The following PTPRO variants were observed in gnomAD, a reference collection of about 807,000 sequenced individuals.
The protein encoded by PTPRO is protein tyrosine phosphatase receptor type O, also known as receptor-type tyrosine-protein phosphatase O.
PTPRO carries 62 observed loss-of-function variants against 145.2 expected under a neutral mutation model. The ratio of observed to expected loss-of-function variants is 0.43; its 90% CI spans 0.35 to 0.53. The LOEUF (loss-of-function observed/expected upper bound fraction) is 0.53. PTPRO is among the 20% of genes least tolerant of loss of function. PTPRO has a pLI of 0.01. For synonymous variants in PTPRO, 565 were observed against 514.7 expected (o/e 1.10, Z -1.32); for missense variants, 1,345 against 1,482.7 (o/e 0.91, Z 1.53).
At chr12:15,361,684 G>A (rs1938216560) in intron 1 of PTPRO, among the ~76,000 whole-genome samples, 1 of 152,080 alleles carries the variant, frequency 6.6e-6, no homozygotes, top group African/African-American at 2.4e-5. Flanking sequence ...CTAAATGAAT[G>A]AATGAATTTT....
intron 7 of PTPRO, among the ~76,000 whole-genome samples, chr12:15,509,356 A>G (rs1942388061): frequency 6.8e-6 from 1 of 146,974 alleles, no homozygotes; most frequent in Non-Finnish European, 1.5e-5. Flanking sequence ...TTTACTGTAA[A>G]AGTAACGCAT....
chr12:15,589,743 A>G (rs1364558077), intron 25 of PTPRO, among the ~76,000 whole-genome samples, 153 bp downstream of exon 25: 42 of 152,198 alleles, frequency 2.8e-4, no homozygotes, highest in Admixed American at 2.7e-3. Context: ...TTTGAGGCAT[A>G]AAAGAAATAG....
chr12:15,548,811 A>G (rs753557261), intron 13 of PTPRO, among the ~76,000 whole-genome samples: 37 of 152,198 alleles, frequency 2.4e-4, no homozygotes, highest in Non-Finnish European at 4.0e-4. Context: ...GTGTAGGCTA[A>G]GCCATCACTT....
At chr12:15,590,339 A>G (rs1261051562) in intron 25 of PTPRO, among the ~76,000 whole-genome samples, 3 of 152,110 alleles carry the variant, frequency 2.0e-5, no homozygotes, top group Non-Finnish European at 2.9e-5. Context: ...CCCAAGTACA[A>G]CAGCTTGTTC....
chr12:15,542,868 T>C (rs981364040), intron 12 of PTPRO, among the ~76,000 whole-genome samples: 11 of 152,240 alleles, frequency 7.2e-5, no homozygotes, highest in Admixed American at 3.3e-4. Flanking sequence ...CAGCTACATG[T>C]GGCTAGTGGC....
At chr12:15,396,984 G>C (rs1202963210) in intron 1 of PTPRO, among the ~76,000 whole-genome samples, 1 of 152,028 alleles carries the variant, frequency 6.6e-6, no homozygotes, top group Non-Finnish European at 1.5e-5. Flanking sequence ...ACCATTTTTT[G>C]ACACCCAGAA....
intron 1 of PTPRO, among the ~76,000 whole-genome samples, chr12:15,343,433 T>C (rs1233329135): frequency 1.3e-5 from 2 of 152,068 alleles, no homozygotes; most frequent in Non-Finnish European, 2.9e-5. Flanking sequence ...ATGTCTATAA[T>C]CTCAGCATTT....
At chr12:15,440,456 G>A (rs1940731868) in intron 1 of PTPRO, 1 of 222,884 alleles carries the variant, frequency 4.5e-6, no homozygotes, top group Non-Finnish European at 8.7e-6. Context: ...AAAAATACAA[G>A]GCTCATCAGT....
At chr12:15,561,447 T>C (rs1943770317) in intron 17 of PTPRO, among the ~76,000 whole-genome samples, 1 of 152,114 alleles carries the variant, frequency 6.6e-6, no homozygotes, top group Admixed American at 6.6e-5. Flanking sequence ...CCAGAATTCA[T>C]ATCTTCTTTT....
chr12:15,429,935 C>A (rs1201404108), intron 1 of PTPRO, among the ~76,000 whole-genome samples: 1 of 151,914 alleles, frequency 6.6e-6, no homozygotes, highest in African/African-American at 2.4e-5. Flanking sequence ...CCCACATTTC[C>A]AGATTGTACA....
At chr12:15,394,123 C>T (rs1490402772) in intron 1 of PTPRO, among the ~76,000 whole-genome samples, 2 of 152,140 alleles carry the variant, frequency 1.3e-5, no homozygotes, top group African/African-American at 2.4e-5. Context: ...TTAAAAGCCC[C>T]ACCTCCCAAT....
chr12:15,595,481 C>A (rs11056575), intron 26 of PTPRO: 5,631 of 203,078 alleles, frequency 0.028, 134 homozygotes, highest in Middle Eastern at 0.043. Context: ...CTCCTAAAAC[C>A]AAAAACAACA....
In PTPRO at chr12:15,560,205, A is replaced by T. The variant is rs369418211; in HGVS notation, c.2640A>T (p.Ile880=). The T allele has an allele frequency of 1.5e-5, 24 of 1,588,892 alleles. No individual in the cohort carries two copies. The African/African-American group carries it at 2.7e-4, about 18-fold the overall frequency. ...TTAATGCACACAGGCGTAGGAGTAT[A>T]TTTGCTTTCTTAACCCTGCTACCCT... The part of the protein sequence containing the change: ...GKLPYNWRRS[I]FAFLTLLPSC... The change falls in exon 17 of 27, where the codon ATA becomes ATT. Residue 880 remains isoleucine, a synonymous_variant. Coordinates refer to ENST00000281171, the MANE Select transcript of PTPRO (RefSeq NM_030667.3).
At chr12:15,360,393 T>C (rs1357133048) in intron 1 of PTPRO, among the ~76,000 whole-genome samples, 3 of 152,190 alleles carry the variant, frequency 2.0e-5, no homozygotes, top group Admixed American at 6.5e-5. Context: ...TGATACACTC[T>C]GTCTCCGCTG....
intron 18 of PTPRO, among the ~76,000 whole-genome samples, chr12:15,567,153 C>CA (rs913367034): frequency 1.4e-4 from 21 of 150,772 alleles, no homozygotes; most frequent in African/African-American, 3.2e-4. Context: ...TACCCACAAG[C>CA]AAAAAAAAAC....
intron 19 of PTPRO, among the ~76,000 whole-genome samples, chr12:15,574,075 T>C (rs1349469881): frequency 1.3e-5 from 2 of 152,220 alleles, no homozygotes; most frequent in African/African-American, 4.8e-5. Flanking sequence ...CACATTCACA[T>C]TGAGAAATCA....
chr12:15,530,617 C>T (rs948437227), intron 12 of PTPRO, among the ~76,000 whole-genome samples: 27 of 152,014 alleles, frequency 1.8e-4, no homozygotes, highest in African/African-American at 6.3e-4. Flanking sequence ...CAACATGTTC[C>T]TGAACAACCA....
intron 1 of PTPRO, among the ~76,000 whole-genome samples, chr12:15,467,420 G>A (rs2136408480): frequency 6.6e-6 from 1 of 151,956 alleles, no homozygotes; most frequent in South Asian, 2.1e-4. Flanking sequence ...GTGTGTGTGT[G>A]TGTGTGTGTG....
rs370423587 is a variant in PTPRO at position 15,360,953 on chromosome 12, TACAC to T, written c.75+38158_75+38161del. ...ACACACATATATACACACGTGTATA[TACAC>T]ACACATATATACACACGTATATATA... On this transcript the variant is annotated intron_variant, in intron 1 of 26. Transcript: ENST00000281171. 9.9e-4 allele frequency among the ~76,000 whole-genome samples: 147 copies of T among 147,886 alleles called. 3 individuals carry two copies. The South Asian group carries it at 0.03, about 31-fold the overall frequency.
Sources: gnomAD v4.1 joint callset for allele counts (sites outside exome capture counted in the v4.1 genomes callset) on GRCh38, gnomAD v4.1.1 for gene constraint, MANE v1.5 for transcripts, NCBI Gene and HGNC (gene_info 2026-07-23, HGNC 2026-07-21) for gene names.